The following EPHX4 variants were observed in gnomAD, a reference collection of about 807,000 sequenced individuals.
The protein encoded by EPHX4 is abhydrolase domain containing 7.
A neutral mutation model predicts 44.9 loss-of-function variants in EPHX4; 31 were observed. The ratio of observed to expected loss-of-function variants is 0.69; its 90% CI spans 0.52 to 0.93. The LOEUF (loss-of-function observed/expected upper bound fraction) is 0.93. EPHX4 is among the 40% of genes least tolerant of loss of function. EPHX4 has a pLI of 0.00. For synonymous variants in EPHX4, 151 were observed against 159.7 expected (o/e 0.95, Z 0.41); for missense variants, 373 against 438.1 (o/e 0.85, Z 1.33).
At chr1:92,057,279 A>G (rs772222297) in intron 6 of EPHX4, among the ~76,000 whole-genome samples, 12 of 152,132 alleles carry the variant, frequency 7.9e-5, no homozygotes, top group Admixed American at 1.3e-4. Context: ...TAAGATACAT[A>G]AACTATTGGC....
At chr1:92,043,530 C>G (rs937078330) in intron 3 of EPHX4, 1 of 151,190 alleles carries the variant, frequency 6.6e-6, no homozygotes, top group African/African-American at 2.4e-5. Context: ...AAAGTTTATA[C>G]TTAGAAAGTT....
chr1:92,063,283 T>A lies in EPHX4; in HGVS notation c.1086T>A (p.Asp362Glu). ...TFLKEETRKK[D>E] ...TAAAAGAAGAAACAAGAAAAAAAGATTGACTTTTCTTTATCTTCTATGAAG... is the reference window on the plus strand; with the variant it reads ...TAAAAGAAGAAACAAGAAAAAAAGAATGACTTTTCTTTATCTTCTATGAAG... Residue 362 changes from aspartate (D) to glutamate (E), a missense_variant, in exon 7 of 7, where the codon GAT becomes GAA. Asp to Glu is a conservative substitution (Grantham distance 45). Transcript: ENST00000370383. 1.3e-6 allele frequency: 2 copies of A among 1,581,736 alleles called. No homozygotes were observed. The highest frequency in any genetic ancestry group is 1.7e-6 in the Non-Finnish European group (2 of 1,159,844).
intron 2 of EPHX4, among the ~76,000 whole-genome samples, chr1:92,039,308 C>T (rs1475718414): frequency 1.3e-5 from 2 of 152,182 alleles, no homozygotes; most frequent in Non-Finnish European, 2.9e-5. Flanking sequence ...ATGAAAGCGA[C>T]ACACTTAGAC....
chr1:92,045,718 T>A, intron 4 of EPHX4, 58 bp downstream of exon 4: 1 of 1,600,010 alleles, frequency 6.2e-7, no homozygotes, highest in Non-Finnish European at 8.5e-7. Context: ...CTCTTGCCAC[T>A]GACCTTTTGG....
chr1:92,035,093 T>C (rs1688420162), intron 2 of EPHX4, among the ~76,000 whole-genome samples: 2 of 152,182 alleles, frequency 1.3e-5, no homozygotes, highest in Non-Finnish European at 1.5e-5. Context: ...TGAGAAGTCT[T>C]CCTTAGAAGA....
intron 6 of EPHX4, 135 bp downstream of exon 6, chr1:92,052,793 C>T (rs1647290793): frequency 1.3e-6 from 1 of 760,944 alleles, no homozygotes; most frequent in Non-Finnish European, 2.0e-6. Context: ...TAGTAAGTTG[C>T]ATAATCTTTT....
chr1:92,062,073 C>A (rs1029112300), intron 6 of EPHX4, among the ~76,000 whole-genome samples: 1 of 151,868 alleles, frequency 6.6e-6, no homozygotes, highest in Non-Finnish European at 1.5e-5. Flanking sequence ...ATATACACAA[C>A]AAAAACTTTG....
intron 3 of EPHX4, 45 bp from the exon 4 acceptor site, chr1:92,045,484 CCCA>C: frequency 6.2e-7 from 1 of 1,606,686 alleles, no homozygotes; most frequent in Non-Finnish European, 8.5e-7. Context: ...TAACAGTGCA[CCCA>C]CCTGTTTCTT....
At position 92,063,522 on chromosome 1, in the gene EPHX4, A is replaced by G. The variant is rs1160594469; in HGVS notation, c.*236A>G. The G allele has an allele frequency of 3.4e-6, 1 of 292,124 alleles. No homozygotes were observed. Among genetic ancestry groups the G allele is most frequent in the Non-Finnish European group, 6.3e-6 (1 of 157,838 alleles). The allele number at this position is 292,124 out of a possible 1,614,324, so 18.1% of individuals were successfully genotyped here. A position where few individuals can be genotyped will look rare whatever the true frequency, so the allele number is the denominator to read the frequency against. On this transcript the variant is annotated 3_prime_UTR_variant, in exon 7 of 7. Coordinates refer to ENST00000370383, the MANE Select transcript of EPHX4 (RefSeq NM_173567.5). ...CAAGCATCTGCCTTAAAATATATAC[A>G]CTTGTACAAAAAGGAAGTTTGGAGT...
rs770102664 is a variant in EPHX4 at position 92,063,005 on chromosome 1, C to A, written c.858-50C>A. The A allele has an allele frequency of 9.2e-6, 14 of 1,514,448 alleles. No individual in the cohort carries two copies. The Admixed American group carries it at 2.2e-4, about 23-fold the overall frequency. The allele number at this position is 1,514,448 out of a possible 1,614,324, so 93.8% of individuals were successfully genotyped here. A position where few individuals can be genotyped will look rare whatever the true frequency, so the allele number is the denominator to read the frequency against. On this transcript the variant is annotated intron_variant, in intron 6 of 6. Transcript: ENST00000370383. ...CTACTGGGGCACTATAGGAAAATGT[C>A]ATTTTAACTTTGACAGTGAATCTCA...
In EPHX4 at chr1:92,030,086, A is replaced by C; in HGVS notation, c.7A>C (p.Arg3=). MA[R]LRDCLPRLML... ...GCCCCGCCGCCGCCTCCCAATGGCG[A>C]GGCTGCGGGATTGCCTGCCCCGCCT... Residue 3 remains arginine, a synonymous_variant, in exon 1 of 7, where the codon AGG becomes CGG. Coordinates refer to ENST00000370383, the MANE Select transcript of EPHX4 (RefSeq NM_173567.5). 6.3e-7 allele frequency: 1 copy of C among 1,595,834 alleles called. No individual in the cohort carries two copies. The highest frequency in any genetic ancestry group is 8.5e-7 in the Non-Finnish European group (1 of 1,173,152).
At chr1:92,057,457 C>G (rs1054727361) in intron 6 of EPHX4, among the ~76,000 whole-genome samples, 2 of 152,098 alleles carry the variant, frequency 1.3e-5, no homozygotes, top group African/African-American at 4.8e-5. Context: ...AAAAACATAA[C>G]TTATCCAAAA....
chr1:92,040,331 A>G (rs907586953), intron 2 of EPHX4, among the ~76,000 whole-genome samples: 2 of 137,300 alleles, frequency 1.5e-5, no homozygotes, highest in African/African-American at 2.7e-5. Flanking sequence ...ACACGACACC[A>G]TACTTAGCAA....
Position 92,060,641 on chromosome 1 carries a change from G to A in EPHX4, c.858-2414G>A, listed in dbSNP as rs76527221. 3.5e-3 allele frequency among the ~76,000 whole-genome samples: 530 copies of A among 151,868 alleles called. 3 individuals are homozygous for A. The highest frequency in any genetic ancestry group is 0.012 in the African/African-American group (496 of 41,440). ...ATTTTAAAGAAAAGAATAGGTAGCC[G>A]GGTGCGATGGCTCACACCTGTAATC... On this transcript the variant is annotated intron_variant, in intron 6 of 6. Coordinates refer to ENST00000370383, the MANE Select transcript of EPHX4 (RefSeq NM_173567.5).
chr1:92,032,417 C>T (rs753580122), intron 1 of EPHX4, 88 bp from the exon 2 acceptor site: 8 of 980,374 alleles, frequency 8.2e-6, no homozygotes, highest in Non-Finnish European at 1.3e-5. Context: ...AGGCAAGTTA[C>T]TATTTTTTTA....
In EPHX4 at chr1:92,063,342, A is replaced by G; in HGVS notation, c.*56A>G. On this transcript the variant is annotated 3_prime_UTR_variant, in exon 7 of 7. Coordinates refer to ENST00000370383, the MANE Select transcript of EPHX4 (RefSeq NM_173567.5). The stretch of plus-strand genomic sequence containing the variant: ...ATGAAATCTCTAAATAATTTTTAAA[A>G]ATTGTTCATCAACTTCTTTATGTTT... 7.7e-7 allele frequency: 1 copy of G among 1,291,142 alleles called. No individual in the cohort carries two copies. Among genetic ancestry groups the G allele is most frequent in the East Asian group, 2.5e-5 (1 of 39,640 alleles). The allele number at this position is 1,291,142 out of a possible 1,614,324, so 80.0% of individuals were successfully genotyped here.
intron 5 of EPHX4, 145 bp downstream of exon 5, chr1:92,050,565 T>G: frequency 1.9e-6 from 1 of 536,758 alleles, no homozygotes. Context: ...ATAGTCTTGC[T>G]TATTTTCATA....
intron 1 of EPHX4, among the ~76,000 whole-genome samples, chr1:92,031,203 A>T (rs973452141): frequency 2.0e-5 from 3 of 152,218 alleles, no homozygotes; most frequent in Non-Finnish European, 4.4e-5. Flanking sequence ...AATATTTATA[A>T]AAACAAACAC....
At chr1:92,043,536 A>G (rs981570997) in intron 3 of EPHX4, 2 of 152,154 alleles carry the variant, frequency 1.3e-5, no homozygotes, top group African/African-American at 2.4e-5. Flanking sequence ...TATACTTAGA[A>G]AGTTTATTTC....
Sources: allele counts gnomAD v4.1 joint callset (sites outside exome capture counted in the v4.1 genomes callset), GRCh38; gene constraint gnomAD v4.1.1; transcripts MANE v1.5; gene names NCBI Gene and HGNC (gene_info 2026-07-23, HGNC 2026-07-21).